The following SLC9C2 variants were observed in gnomAD, a reference collection of about 807,000 sequenced individuals.
The protein encoded by SLC9C2 is sodium/hydrogen exchanger 11.
In SLC9C2, 75 loss-of-function variants were observed where a neutral mutation model predicts 140.2. That is an observed-to-expected ratio of 0.53 (90% CI 0.44 to 0.65). The LOEUF (loss-of-function observed/expected upper bound fraction) is 0.65. SLC9C2 is among the 30% of genes least tolerant of loss of function. The probability of loss-of-function intolerance (pLI) is 0.00; values close to 1 mark genes in which losing one functional copy is unlikely to be tolerated. For missense variants in SLC9C2, 1,074 were observed against 1,331.8 expected (o/e 0.81, Z 3.01); for synonymous variants, 375 against 420.9 (o/e 0.89, Z 1.34).
intron 9 of SLC9C2, among the ~76,000 whole-genome samples, chr1:173,568,486 T>C (rs1664638959): frequency 6.6e-6 from 1 of 152,204 alleles, no homozygotes; most frequent in Non-Finnish European, 1.5e-5. Flanking sequence ...CTGCATAGTA[T>C]TTCATGGTGT....
intron 4 of SLC9C2, among the ~76,000 whole-genome samples, chr1:173,595,601 C>T (rs1666405929): frequency 6.6e-6 from 1 of 152,008 alleles, no homozygotes; most frequent in Non-Finnish European, 1.5e-5. Flanking sequence ...ATTGGATAAG[C>T]AACCAGAAAT....
intron 13 of SLC9C2, among the ~76,000 whole-genome samples, chr1:173,542,029 T>C (rs2102029959): frequency 6.6e-6 from 1 of 152,028 alleles, no homozygotes; most frequent in Middle Eastern, 3.4e-3. Flanking sequence ...CTGAAGGAAA[T>C]AGAGGCATAA....
intron 13 of SLC9C2, among the ~76,000 whole-genome samples, chr1:173,543,177 A>G (rs1263617446): frequency 6.6e-6 from 1 of 151,674 alleles, no homozygotes; most frequent in Non-Finnish European, 1.5e-5. Flanking sequence ...ATACAAAATC[A>G]ATGTGCAAAA....
rs1281063142 is a variant in SLC9C2 at position 173,548,418 on chromosome 1, C to T, written c.1432G>A (p.Glu478Lys). The T allele has an allele frequency of 2.5e-6, 4 of 1,613,270 alleles. No homozygotes were observed. The highest frequency in any genetic ancestry group is 3.4e-6 in the Non-Finnish European group (4 of 1,179,606). Residue 478 changes from glutamate to lysine, a missense_variant, in exon 12 of 28, where the codon GAA becomes AAA. Glu to Lys is a moderately conservative substitution (Grantham distance 56). Coordinates refer to ENST00000367714, the MANE Select transcript of SLC9C2 (RefSeq NM_178527.4). Reference sequence around the variant, plus strand: ...ATGTATTCGATCCTCGTTTTATCTTCTACTAAGGTCCAGTTAACATTTGTC... The same window carrying T: ...ATGTATTCGATCCTCGTTTTATCTTTTACTAAGGTCCAGTTAACATTTGTC... ...ILTNVNWTLVEDKTRIEYIPF... is the reference protein window; with the variant it reads ...ILTNVNWTLVKDKTRIEYIPF...
At chr1:173,503,407 C>T in intron 26 of SLC9C2, 81 bp from the exon 27 acceptor site, 2 of 1,286,396 alleles carry the variant, frequency 1.6e-6, no homozygotes, top group South Asian at 2.5e-5. Context: ...TTTGAAATAT[C>T]TATTTGCTTT....
At chr1:173,529,568 CT>C (rs1409978815) in intron 18 of SLC9C2, among the ~76,000 whole-genome samples, 1 of 151,130 alleles carries the variant, frequency 6.6e-6, no homozygotes, top group East Asian at 1.9e-4. Context: ...TCTTTGAAGC[CT>C]TTTTCAAGTC....
chr1:173,556,233 C>T (rs1244614888), intron 10 of SLC9C2, among the ~76,000 whole-genome samples: 8 of 152,168 alleles, frequency 5.3e-5, no homozygotes, highest in African/African-American at 1.9e-4. Flanking sequence ...GCTCATAGTG[C>T]TGTCACAAAT....
chr1:173,566,348 T>C (rs1664474029), intron 9 of SLC9C2, among the ~76,000 whole-genome samples: 1 of 152,092 alleles, frequency 6.6e-6, no homozygotes, highest in African/African-American at 2.4e-5. Flanking sequence ...ATTACAGTTT[T>C]GATCTCATTA....
intron 9 of SLC9C2, among the ~76,000 whole-genome samples, chr1:173,558,342 C>A (rs1663854921): frequency 6.6e-6 from 1 of 152,150 alleles, no homozygotes; most frequent in Admixed American, 6.5e-5. Flanking sequence ...TCTTACCAAC[C>A]TTTTCAGGCT....
At chr1:173,521,217 A>G in intron 22 of SLC9C2, 84 bp downstream of exon 22, 1 of 767,064 alleles carries the variant, frequency 1.3e-6, no homozygotes, top group Non-Finnish European at 2.0e-6. Context: ...CTTTTTCAGT[A>G]TCTAAATTTA....
chr1:173,508,294 T>G (rs765745231), intron 24 of SLC9C2, among the ~76,000 whole-genome samples: 2 of 151,702 alleles, frequency 1.3e-5, no homozygotes, highest in Non-Finnish European at 2.9e-5. Context: ...AACTAAGTAT[T>G]AAATAGAGAT....
rs754197068 is a variant in SLC9C2, at chr1:173,534,543, C to G, written c.1915G>C (p.Ala639Pro). 1.1e-5 allele frequency: 18 copies of G among 1,597,982 alleles called. No individual in the cohort carries two copies. Among genetic ancestry groups the G allele is most frequent in the Non-Finnish European group, 1.5e-5 (18 of 1,173,874 alleles). ...WPMARGLNVS[A>P]LISINYYFMF... The stretch of plus-strand genomic sequence containing the variant: ...AAATAGTAGTTTATTGATATCAGTG[C>G]TGATACATTTAAACCTCTTGCCATT... The change falls in exon 16 of 28, where the codon GCA becomes CCA. Residue 639 changes from alanine (A) to proline (P), a missense_variant. Physicochemically the swap from Ala to Pro is conservative, Grantham distance 27. Coordinates refer to ENST00000367714, the MANE Select transcript of SLC9C2 (RefSeq NM_178527.4).
At chr1:173,600,637 A>G (rs908355692) in intron 2 of SLC9C2, among the ~76,000 whole-genome samples, 1 of 152,150 alleles carries the variant, frequency 6.6e-6, no homozygotes, top group African/African-American at 2.4e-5. Flanking sequence ...TTATTAGGAC[A>G]CAACCTGATA....
At chr1:173,564,151 T>A (rs767039288) in intron 9 of SLC9C2, among the ~76,000 whole-genome samples, 4 of 152,224 alleles carry the variant, frequency 2.6e-5, no homozygotes, top group African/African-American at 7.2e-5. Flanking sequence ...TTGTGAATAG[T>A]GCTGCAATAA....
In SLC9C2 at chr1:173,523,749, T is replaced by C. The variant is rs551394638; in HGVS notation, c.2640+220A>G. Among the ~76,000 whole-genome samples the C allele has an allele frequency of 5.3e-5, 8 of 152,238 alleles. No homozygotes were observed. The South Asian group carries it at 1.2e-3, about 24-fold the overall frequency. On this transcript the variant is annotated intron_variant, in intron 21 of 27. Coordinates refer to ENST00000367714, the MANE Select transcript of SLC9C2 (RefSeq NM_178527.4). Reference sequence around the variant, plus strand: ...GGGATTGGTAATAGTCAGACACATATAGCTACTCATAAGCGGATAAGCCAT... The same window carrying C: ...GGGATTGGTAATAGTCAGACACATACAGCTACTCATAAGCGGATAAGCCAT...
intron 8 of SLC9C2, among the ~76,000 whole-genome samples, chr1:173,576,026 T>A (rs985781986): frequency 2.6e-5 from 4 of 152,234 alleles, no homozygotes; most frequent in African/African-American, 9.6e-5. Flanking sequence ...AATAAATTAA[T>A]TTTCATGGGA....
intron 22 of SLC9C2, among the ~76,000 whole-genome samples, chr1:173,518,067 T>G (rs1660549003): frequency 3.3e-5 from 5 of 152,126 alleles, no homozygotes; most frequent in Admixed American, 3.3e-4. Flanking sequence ...GGGACCAGCC[T>G]GGCCAACATG....
chr1:173,515,008 G>A (rs747904362), intron 23 of SLC9C2, among the ~76,000 whole-genome samples: 6 of 152,092 alleles, frequency 3.9e-5, no homozygotes, highest in Admixed American at 1.3e-4. Flanking sequence ...GAAGGGTTTC[G>A]GCGGAGAGGT....
At chr1:173,580,757 T>G (rs1665480999) in intron 7 of SLC9C2, among the ~76,000 whole-genome samples, 1 of 152,220 alleles carries the variant, frequency 6.6e-6, no homozygotes, top group African/African-American at 2.4e-5. Flanking sequence ...TGAACTCAAG[T>G]CTGCCTAACT....
Sources: allele counts gnomAD v4.1 joint callset (sites outside exome capture counted in the v4.1 genomes callset), GRCh38; gene constraint gnomAD v4.1.1; transcripts MANE v1.5; gene names NCBI Gene and HGNC (gene_info 2026-07-23, HGNC 2026-07-21).